Variants in TNS1 observed in about 807,000 individuals in gnomAD.
The protein encoded by TNS1 is tensin-1.
Under a neutral mutation model 168.6 loss-of-function variants are expected in TNS1, and 62 were observed. That is an observed-to-expected ratio of 0.37 (90% CI 0.30 to 0.45). The LOEUF is 0.45. Ranked by LOEUF, TNS1 falls within the 20% of genes least tolerant of loss-of-function variation. The pLI, the probability that TNS1 is intolerant of heterozygous loss-of-function variation, is 1.00. For synonymous variants in TNS1, 934 were observed against 933.2 expected (o/e 1.00, Z -0.02); for missense variants, 2,240 against 2,339.4 (o/e 0.96, Z 0.88).
chr2:217,854,403 G>A (rs1401431002), intron 18 of TNS1, among the ~76,000 whole-genome samples: 1 of 152,172 alleles, frequency 6.6e-6, no homozygotes, highest in Non-Finnish European at 1.5e-5. Context: ...TAGCGAATGA[G>A]TTACTAAGGT....
At chr2:217,806,262 C>A (rs890560879) in intron 32 of TNS1, among the ~76,000 whole-genome samples, 2 of 152,260 alleles carry the variant, frequency 1.3e-5, no homozygotes, top group Non-Finnish European at 2.9e-5. Context: ...TAGATCCAGG[C>A]AAGAAGCCTC....
rs1489164338 is a variant in TNS1, at chr2:218,033,862, G to T, written c.114C>A (p.Ser38=). 2.0e-5 allele frequency among the ~76,000 whole-genome samples: 3 copies of T among 152,118 alleles called. No homozygotes were observed. The highest frequency in any genetic ancestry group is 4.4e-5 in the Non-Finnish European group (3 of 68,002). ...TTCTCTCTGCACAGGCCAAACCCCC[G>T]GACTCCCAGCACTCAGCCCGCGCCG... is the stretch of plus-strand genomic sequence containing the variant. Residue 38 remains serine (S), a synonymous_variant, in exon 1 of 2, where the codon TCC becomes TCA. Transcript: ENST00000649572. This position sits in a 1 kb window ranked among gnomAD's most constrained non-coding sequence, Gnocchi z 4.3.
At chr2:217,998,436 G>A (rs1027327766) in intron 1 of TNS1, among the ~76,000 whole-genome samples, 3 of 152,190 alleles carry the variant, frequency 2.0e-5, no homozygotes, top group Non-Finnish European at 4.4e-5. Flanking sequence ...CTCTAGTGAG[G>A]GATTGGACTG....
At chr2:217,952,466 C>T (rs559665295) in intron 3 of TNS1, among the ~76,000 whole-genome samples, 14 of 151,998 alleles carry the variant, frequency 9.2e-5, no homozygotes, top group South Asian at 8.3e-4. Flanking sequence ...GACTCTCCCG[C>T]GCCACACACA....
intron 6 of TNS1, among the ~76,000 whole-genome samples, chr2:217,903,378 G>C (rs566239134): frequency 2.0e-5 from 3 of 152,102 alleles, no homozygotes; most frequent in African/African-American, 7.2e-5. Context: ...TGCCTACTCC[G>C]CGTGGAGCCC....
chr2:217,860,222 G>A (rs1404819854), intron 18 of TNS1, among the ~76,000 whole-genome samples: 2 of 152,080 alleles, frequency 1.3e-5, no homozygotes, highest in Admixed American at 6.6e-5. Flanking sequence ...TCAGCCCCTC[G>A]CCATTTTCAG....
chr2:218,007,193 C>T (rs80164311), upstream of TNS1, among the ~76,000 whole-genome samples: 4,912 of 152,248 alleles, frequency 0.032, 206 homozygotes, highest in East Asian at 0.17. Context: ...GAATCTACAC[C>T]AAAGCACTCA....
chr2:217,813,600 G>T lies in TNS1; in HGVS notation c.4861+85C>A. 6.6e-7 allele frequency: 1 copy of T among 1,518,898 alleles called. No individual in the cohort carries two copies. Among genetic ancestry groups the T allele is most frequent in the Non-Finnish European group, 8.8e-7 (1 of 1,131,970 alleles). The allele number at this position is 1,518,898 out of a possible 1,614,324, so 94.1% of individuals were successfully genotyped here. ...CTGATGGGAGTTAAGGTCCTGCCCA[G>T]CACCCTGGGTCCCTCCAGCACCTCC... On this transcript the variant is annotated intron_variant, in intron 26 of 32. Transcript: ENST00000682258. The surrounding 1 kb of genome is among the most constrained non-coding windows in gnomAD (Gnocchi z 4.0).
intron 19 of TNS1, among the ~76,000 whole-genome samples, chr2:217,846,691 G>A (rs751654635): frequency 2.7e-4 from 41 of 152,194 alleles, no homozygotes; most frequent in Non-Finnish European, 2.2e-4. Context: ...AGGGAACCTC[G>A]CAGCTGTCTC....
chr2:217,818,297 C>T lies in TNS1; in HGVS notation c.4035G>A (p.Pro1345=), dbSNP rs777061553. The part of the protein sequence containing the change: ...SSPQSSAATT[P]GSPSLCRHPA... ...GGTGCCGACACAGGCTGGGGCTCCC[C>T]GGGGTGGTCGCTGCACTGCTCTGGG... Residue 1345 remains proline (P), a synonymous_variant, in exon 24 of 33, where the codon CCG becomes CCA. Transcript: ENST00000682258. 28 of 1,613,292 alleles carry T rather than the reference C, an allele frequency of 1.7e-5. No homozygotes were observed. The highest frequency in any genetic ancestry group is 2.7e-5 in the African/African-American group (2 of 74,914).
intron 3 of TNS1, among the ~76,000 whole-genome samples, chr2:217,925,606 C>G (rs1454458187): frequency 6.6e-6 from 1 of 152,234 alleles, no homozygotes; most frequent in Non-Finnish European, 1.5e-5. Context: ...GGGGTCCCCC[C>G]ACCATCTCCT....
intron 3 of TNS1, among the ~76,000 whole-genome samples, chr2:217,927,125 T>C (rs180838440): frequency 2.3e-4 from 35 of 152,300 alleles, no homozygotes; most frequent in Non-Finnish European, 4.0e-4. Context: ...GAAGTCCCCA[T>C]GCCTGGCTCA....
Position 217,818,034 on chromosome 2 carries a change from G to A in TNS1, c.4298C>T (p.Pro1433Leu), listed in dbSNP as rs140104262. Residue 1433 changes from proline to leucine, a missense_variant, in exon 24 of 33, where the codon CCG becomes CTG. Physicochemically the swap from Pro to Leu is moderately conservative, Grantham distance 98. Coordinates refer to ENST00000682258, the MANE Select transcript of TNS1 (RefSeq NM_001387777.1). ...RHVAYGGYST[P>L]EDRRPTLSRQ... is the part of the protein sequence containing the mutation. ...GGACAGTGTGGGTCTCCGATCCTCCGGGGTAGAATAGCCACCATAGGCCAC... is the reference window on the plus strand; with the variant it reads ...GGACAGTGTGGGTCTCCGATCCTCCAGGGTAGAATAGCCACCATAGGCCAC... 4,821 of 1,602,500 alleles carry A rather than the reference G, an allele frequency of 3.0e-3. 17 individuals are homozygous for A. The highest frequency in any genetic ancestry group is 3.6e-3 in the Non-Finnish European group (4,207 of 1,174,682).
chr2:217,815,066 C>G, intron 24 of TNS1, 68 bp from the exon 25 acceptor site: 1 of 1,314,038 alleles, frequency 7.6e-7, no homozygotes, highest in East Asian at 2.4e-5. Flanking sequence ...ACATCAAAGT[C>G]CTGGCCCCCA....
intron 1 of TNS1, among the ~76,000 whole-genome samples, chr2:218,024,531 C>G (rs1276277351): frequency 6.6e-6 from 1 of 152,150 alleles, no homozygotes; most frequent in Non-Finnish European, 1.5e-5. Context: ...CTGGACTGCT[C>G]TGACCTCCCA....
intron 17 of TNS1, chr2:217,881,358 G>C (rs1950667296): frequency 4.4e-6 from 1 of 228,118 alleles, no homozygotes; most frequent in African/African-American, 2.3e-5. Flanking sequence ...GCAGTGCCAA[G>C]AGACTAGAAA....
At chr2:217,834,484 C>T (rs568940123) in intron 21 of TNS1, among the ~76,000 whole-genome samples, 1 of 152,356 alleles carries the variant, frequency 6.6e-6, no homozygotes, top group African/African-American at 2.4e-5. Flanking sequence ...AACACTGCCC[C>T]ATGCCTTGGC....
intron 3 of TNS1, among the ~76,000 whole-genome samples, chr2:217,949,450 T>C (rs907155650): frequency 2.0e-5 from 3 of 152,124 alleles, no homozygotes; most frequent in Non-Finnish European, 4.4e-5. Context: ...ACACCTACCA[T>C]CCCAAACCCA....
rs1553621681 is a variant in TNS1 at position 217,966,308 on chromosome 2, TGCGC to T, written c.186+12453_186+12456del. On this transcript the variant is annotated intron_variant, in intron 3 of 32. Transcript: ENST00000682258. Reference sequence around the variant, plus strand: ...GTGTGTGTGTGTGTGTGTGTGTGTGTGCGCGCGCGCGCGTGTGTAAGGAGACAGC... The same window carrying T: ...GTGTGTGTGTGTGTGTGTGTGTGTGTGCGCGCGCGTGTGTAAGGAGACAGC... Among the ~76,000 whole-genome samples the T allele has an allele frequency of 2.6e-3, 350 of 133,680 alleles. 1 individual carries two copies. Among genetic ancestry groups the T allele is most frequent in the South Asian group, 4.4e-3 (18 of 4,110 alleles). The allele number at this position is 133,680 out of a possible 152,430, so 87.7% of individuals were successfully genotyped here.
Sources: gnomAD v4.1 joint callset for allele counts (sites outside exome capture counted in the v4.1 genomes callset) on GRCh38, gnomAD v4.1.1 for gene constraint, Gnocchi (gnomAD v3.1) non-coding constraint, MANE v1.5 for transcripts, NCBI Gene and HGNC (gene_info 2026-07-23, HGNC 2026-07-21) for gene names.